Variants in RRAGB observed in about 807,000 individuals in gnomAD.
RRAGB encodes ras-related GTP-binding protein B.
In RRAGB, 6 loss-of-function variants were observed where a neutral mutation model predicts 29.3. The ratio of observed to expected loss-of-function variants is 0.21; its 90% CI spans 0.11 to 0.40. RRAGB has a LOEUF of 0.40. Among genes scored for constraint, RRAGB ranks in the 10% least tolerant of loss-of-function variants. The pLI is 1.00. For synonymous variants in RRAGB, 101 were observed against 92.5 expected (o/e 1.09, Z -0.53); for missense variants, 184 against 272.9 (o/e 0.67, Z 2.29).
intron 3 of RRAGB, among the ~76,000 whole-genome samples, chrX:55,723,425 A>T (rs1461209781): frequency 1.9e-5 from 2 of 107,681 alleles, no homozygotes; most frequent in Admixed American, 9.9e-5. Flanking sequence ...TACAGGTGTG[A>T]GCCACCGTGC....
At chrX:55,749,457 A>G (rs1476655954) in intron 5 of RRAGB, among the ~76,000 whole-genome samples, 1 of 107,295 alleles carries the variant, frequency 9.3e-6, no homozygotes, top group African/African-American at 3.4e-5. Context: ...CCGGGAGGTG[A>G]GGGGCGCCTC....
chrX:55,735,798 G>C (rs951837899), intron 5 of RRAGB, among the ~76,000 whole-genome samples: 2 of 112,288 alleles, frequency 1.8e-5, no homozygotes, highest in Non-Finnish European at 3.8e-5. Flanking sequence ...TATAGGTCTG[G>C]TCTGGTGGAG....
chrX:55,749,266 A>G (rs1290127621), intron 5 of RRAGB, among the ~76,000 whole-genome samples: 2 of 75,976 alleles, frequency 2.6e-5, no homozygotes, highest in East Asian at 5.2e-4. Context: ...CCTACTGGGA[A>G]GTGAGGAGCC....
chrX:55,758,003 T>TA (rs1217099388), intron 9 of RRAGB, among the ~76,000 whole-genome samples: 3 of 112,231 alleles, frequency 2.7e-5, no homozygotes, highest in African/African-American at 9.7e-5. Flanking sequence ...TTTTGGGGTT[T>TA]ATGCTGTTAG....
chrX:55,753,440 G>C lies in RRAGB; in HGVS notation c.661G>C (p.Glu221Gln). ...YQLIPNVQQL[E>Q]MNLRNFAEII... is the part of the protein sequence containing the mutation. ...GCTGATTCCCAATGTTCAGCAGCTG[G>C]AAATGAACCTAAGGAATTTTGCTGA... is the stretch of plus-strand genomic sequence containing the variant. Residue 221 changes from glutamate (E) to glutamine (Q), a missense_variant, in exon 7 of 10, where the codon GAA becomes CAA. Transcript: ENST00000374941. 8.3e-7 allele frequency: 1 copy of C among 1,202,794 alleles called. No individual in the cohort carries two copies.
chrX:55,750,202 G>T (rs1469325446), intron 5 of RRAGB, among the ~76,000 whole-genome samples: 1 of 107,988 alleles, frequency 9.3e-6, no homozygotes, highest in Non-Finnish European at 1.9e-5. Flanking sequence ...GTGTGTGTGT[G>T]TGTGTGTGTG....
intron 6 of RRAGB, chrX:55,751,409 A>G: frequency 3.0e-6 from 1 of 335,681 alleles, no homozygotes; most frequent in East Asian, 4.9e-5. Context: ...CATAGCTACC[A>G]AGTCACACTG....
intron 5 of RRAGB, among the ~76,000 whole-genome samples, chrX:55,739,397 T>C (rs1330700780): frequency 4.2e-5 from 1 of 23,589 alleles, no homozygotes; most frequent in Non-Finnish European, 3.8e-4. Flanking sequence ...AGCTGTGAGG[T>C]TCCTCTTATC....
At chrX:55,736,135 G>A (rs2033856223) in intron 5 of RRAGB, among the ~76,000 whole-genome samples, 1 of 111,482 alleles carries the variant, frequency 9.0e-6, no homozygotes, top group African/African-American at 3.3e-5. Context: ...TCTTGTATTT[G>A]GATGTCTAAA....
intron 3 of RRAGB, among the ~76,000 whole-genome samples, chrX:55,723,995 G>A (rs1465906956): frequency 8.9e-6 from 1 of 112,387 alleles, no homozygotes; most frequent in Admixed American, 9.4e-5. Context: ...TTGAGAGTTA[G>A]ATGCAGGTGG....
chrX:55,742,004 C>T (rs950264654), intron 5 of RRAGB, among the ~76,000 whole-genome samples: 1 of 111,858 alleles, frequency 8.9e-6, no homozygotes, highest in African/African-American at 3.3e-5. Flanking sequence ...AGTAATCCTG[C>T]GTACAACCAA....
chrX:55,748,455 G>C (rs1218971530), intron 5 of RRAGB, among the ~76,000 whole-genome samples: 1 of 107,677 alleles, frequency 9.3e-6, no homozygotes, highest in African/African-American at 3.4e-5. Flanking sequence ...TCCCATCTAG[G>C]AAGCGAGGAG....
chrX:55,723,092 G>A (rs989999176), intron 3 of RRAGB, among the ~76,000 whole-genome samples: 1 of 111,554 alleles, frequency 9.0e-6, no homozygotes, highest in Non-Finnish European at 1.9e-5. Context: ...TATCGTGCTT[G>A]GAGTGTAAGT....
chrX:55,732,297 T>A (rs183299621), intron 5 of RRAGB, among the ~76,000 whole-genome samples: 1 of 112,273 alleles, frequency 8.9e-6, no homozygotes, highest in East Asian at 2.8e-4. Context: ...AGTCATATAG[T>A]CTAGCTGCAA....
chrX:55,731,631 G>A (rs1325337070), intron 5 of RRAGB, 45 bp downstream of exon 5: 2 of 911,537 alleles, frequency 2.2e-6, no homozygotes, highest in Non-Finnish European at 3.0e-6. Flanking sequence ...GACATGCTTT[G>A]CAAACTTATT....
intron 3 of RRAGB, among the ~76,000 whole-genome samples, chrX:55,728,692 G>A: frequency 9.0e-6 from 1 of 111,230 alleles, no homozygotes; most frequent in Non-Finnish European, 1.9e-5. Flanking sequence ...GTGGGGAGGT[G>A]AGTTATGGAG....
intron 5 of RRAGB, among the ~76,000 whole-genome samples, chrX:55,739,884 A>G (rs896891596): frequency 8.9e-6 from 1 of 112,418 alleles, no homozygotes; most frequent in East Asian, 2.8e-4. Context: ...ATTTCCAAAG[A>G]TAGATTAATA....
Position 55,757,347 on chromosome X carries a change from G to A in RRAGB, c.943+16G>A, listed in dbSNP as rs1448660703. 1.0e-6 allele frequency: 1 copy of A among 999,434 alleles called. No individual in the cohort carries two copies. The highest frequency in any genetic ancestry group is 2.2e-5 in the Admixed American group (1 of 44,969). 82.4% of individuals were successfully genotyped at this position (999,434 alleles called of 1,213,427 possible). A position where few individuals can be genotyped will look rare whatever the true frequency, so the allele number is the denominator to read the frequency against. On this transcript the variant is annotated intron_variant, in intron 9 of 9. Transcript: ENST00000374941. ...CCGTCCATTCGTAAGTTTAAACTTA[G>A]CTGACCTAGGTTCAAAGCCACATAC...
intron 5 of RRAGB, among the ~76,000 whole-genome samples, chrX:55,736,130 T>A (rs1286455100): frequency 8.9e-6 from 1 of 112,219 alleles, no homozygotes; most frequent in East Asian, 2.8e-4. Flanking sequence ...GAGCTTCTTG[T>A]ATTTGGATGT....
Sources: allele counts gnomAD v4.1 joint callset (sites outside exome capture counted in the v4.1 genomes callset), GRCh38; gene constraint gnomAD v4.1.1; transcripts MANE v1.5; gene names NCBI Gene and HGNC (gene_info 2026-07-23, HGNC 2026-07-21).